The following ZNF469 variants were observed in gnomAD, a reference collection of about 807,000 sequenced individuals.
ZNF469 encodes the protein zinc finger protein 469.
ZNF469 carries 1 observed loss-of-function variant against 1.0 expected under a neutral mutation model. The ratio of observed to expected loss-of-function variants is 1.00; its 90% CI spans 0.35 to 4.73. ZNF469 has a LOEUF of 4.73. Ranked by LOEUF, ZNF469 falls within the 30% of genes most tolerant of loss-of-function variation. The pLI, the probability that ZNF469 is intolerant of heterozygous loss-of-function variation, is 0.16. For missense variants in ZNF469, 6,100 were observed against 5,356.3 expected (o/e 1.14, Z -4.33); for synonymous variants, 2,703 against 2,363.4 (o/e 1.14, Z -4.17).
intron 1 of ZNF469, among the ~76,000 whole-genome samples, chr16:88,410,416 G>A (rs894423628): frequency 8.0e-5 from 12 of 149,432 alleles, no homozygotes; most frequent in African/African-American, 2.2e-4. Context: ...TGCAGGTCAC[G>A]TGGTCATGGA....
At chr16:88,143,376 GTGGGGTGCAGAGCGGGC>G in the ZNF469 span, among the ~76,000 whole-genome samples, 1 of 152,180 alleles carries the variant, frequency 6.6e-6, no homozygotes, top group Non-Finnish European at 1.5e-5. Context: ...GCCTAGCGGG[GTGGGGTGCAGAGCGGGC>G]TGGGGCGCCG....
At chr16:88,132,466 A>T in the ZNF469 span, among the ~76,000 whole-genome samples, 128 of 152,178 alleles carry the variant, frequency 8.4e-4, no homozygotes, top group Admixed American at 1.6e-3. Context: ...CTCCAGCTCC[A>T]TGGGGCTCGA....
chr16:88,247,332 A>ATGAG, the ZNF469 span, among the ~76,000 whole-genome samples: 91,888 of 147,154 alleles, frequency 0.62, 30,217 homozygotes, highest in African/African-American at 0.85. Context: ...TGAATGGTGA[A>ATGAG]TGAGTGAATG....
chr16:88,349,361 CAT>C, the ZNF469 span, among the ~76,000 whole-genome samples: 3 of 151,880 alleles, frequency 2.0e-5, no homozygotes, highest in African/African-American at 7.3e-5. Context: ...CAAGTACACA[CAT>C]ATCACACACA....
chr16:88,213,139 C>T, the ZNF469 span, among the ~76,000 whole-genome samples: 1 of 151,908 alleles, frequency 6.6e-6, no homozygotes, highest in Admixed American at 6.6e-5. Flanking sequence ...CGCTCTGTGG[C>T]CCAGGCTGGA....
chr16:88,396,651 C>CCCGTCTGAAGGGAGGCCGGGA (rs1904677193), intron 1 of ZNF469, among the ~76,000 whole-genome samples: 5 of 53,572 alleles, frequency 9.3e-5, no homozygotes, highest in African/African-American at 3.5e-4. Context: ...GGAGGCCGGG[C>CCCGTCTGAAGGGAGGCCGGGA]GGAGACCCTC....
chr16:88,138,014 T>A, the ZNF469 span, among the ~76,000 whole-genome samples: 105 of 152,214 alleles, frequency 6.9e-4, no homozygotes, highest in African/African-American at 2.4e-3. Flanking sequence ...CTTCACCCCA[T>A]CACGGAGCAT....
At chr16:88,338,214 C>A in the ZNF469 span, among the ~76,000 whole-genome samples, 2 of 152,206 alleles carry the variant, frequency 1.3e-5, no homozygotes, top group African/African-American at 4.8e-5. Flanking sequence ...TGGGGAGAGA[C>A]CCTCTGGCTC....
chr16:88,364,836 G>T, the ZNF469 span, among the ~76,000 whole-genome samples: 1 of 152,056 alleles, frequency 6.6e-6, no homozygotes, highest in Admixed American at 6.5e-5. Flanking sequence ...GTGGTGGCAG[G>T]AGCCTGTAAT....
the ZNF469 span, among the ~76,000 whole-genome samples, chr16:88,239,447 G>A: frequency 4.0e-3 from 608 of 150,262 alleles, 4 homozygotes; most frequent in African/African-American, 0.013. Flanking sequence ...GGAATATGAT[G>A]GGATCAGGAA....
the ZNF469 span, among the ~76,000 whole-genome samples, chr16:88,262,214 G>A: frequency 5.3e-5 from 8 of 152,202 alleles, no homozygotes; most frequent in African/African-American, 1.4e-4. The surrounding 1 kb of genome is among the most constrained non-coding windows in gnomAD (Gnocchi z 4.3). Flanking sequence ...TTTCCATCCC[G>A]GTGGTAGCAG....
chr16:88,429,244 C>G lies in ZNF469; in HGVS notation c.1774C>G (p.Pro592Ala). The G allele has an allele frequency of 6.5e-7, 1 of 1,549,836 alleles. No individual in the cohort carries two copies. Among genetic ancestry groups the G allele is most frequent in the African/African-American group, 1.4e-5 (1 of 73,128 alleles). Reference sequence around the variant, plus strand: ...AGTGGGAGCCTCCCCCAGCGAGTCCCCACTGCCGTCACCGGCCACCAACAC... The same window carrying G: ...AGTGGGAGCCTCCCCCAGCGAGTCCGCACTGCCGTCACCGGCCACCAACAC... The part of the protein sequence containing the change: ...RVVGASPSES[P>A]LPSPATNTAG... Residue 592 changes from proline to alanine, a missense_variant, in exon 3 of 3, where the codon CCA (proline) becomes GCA (alanine). Physicochemically the swap from Pro to Ala is conservative, Grantham distance 27 (BLOSUM62 -1). Coordinates refer to ENST00000565624, the MANE Select transcript of ZNF469 (RefSeq NM_001367624.2).
rs1301607408 is a variant in ZNF469, at chr16:88,430,553, G to T, written c.3083G>T (p.Arg1028Leu). 1.4e-6 allele frequency: 2 copies of T among 1,470,038 alleles called. No homozygotes were observed. Among genetic ancestry groups the T allele is most frequent in the Non-Finnish European group, 1.8e-6 (2 of 1,117,850 alleles). 91.1% of individuals were successfully genotyped at this position (1,470,038 alleles called of 1,614,324 possible). A position where few individuals can be genotyped will look rare whatever the true frequency, so the allele number is the denominator to read the frequency against. The change falls in exon 3 of 3, where the codon CGC becomes CTC. Residue 1028 changes from arginine to leucine, a missense_variant. Transcript: ENST00000565624. ...GAGGAGACCCGCAGCTCCCGGCGCC[G>T]CCGGCTGCCCCCCAGGAAGGACCCC... ...LPEETRSSRR[R>L]RLPPRKDPRK...
chr16:88,436,123 C>T lies in ZNF469; in HGVS notation c.8653C>T (p.Pro2885Ser), dbSNP rs1324192956. 16 of 1,548,294 alleles carry T rather than the reference C, an allele frequency of 1.0e-5. No individual in the cohort carries two copies. Among genetic ancestry groups the T allele is most frequent in the Middle Eastern group, 1.7e-4 (1 of 5,820 alleles). ...PHVYGKRCEKPVLPLPTQPSF... is the reference protein window; with the variant it reads ...PHVYGKRCEKSVLPLPTQPSF... ...TGTCTACGGGAAGCGCTGTGAGAAG[C>T]CGGTGCTCCCGCTGCCAACCCAGCC... is the stretch of plus-strand genomic sequence containing the variant. The change falls in exon 3 of 3, where the codon CCG (proline) becomes TCG (serine). Residue 2885 changes from proline to serine, a missense_variant. Pro to Ser is a moderately conservative substitution (Grantham distance 74). Coordinates refer to ENST00000565624, the MANE Select transcript of ZNF469 (RefSeq NM_001367624.2).
the ZNF469 span, among the ~76,000 whole-genome samples, chr16:88,186,412 AG>A: frequency 2.6e-5 from 4 of 152,180 alleles, no homozygotes; most frequent in Non-Finnish European, 5.9e-5. Context: ...CCAGCAGGCC[AG>A]GCCGACCGGG....
intron 1 of ZNF469, among the ~76,000 whole-genome samples, chr16:88,421,219 C>G (rs980273585): frequency 6.6e-6 from 1 of 152,178 alleles, no homozygotes; most frequent in South Asian, 2.1e-4. Context: ...TTCCCCCACA[C>G]CCCCAGCCAG....
At chr16:88,226,894 C>T in the ZNF469 span, among the ~76,000 whole-genome samples, 20,744 of 138,376 alleles carry the variant, frequency 0.15, 2,590 homozygotes, top group East Asian at 0.24. Context: ...ACAGGCTGCA[C>T]GTTTAAATTC....
chr16:88,127,427 C>G, the ZNF469 span, among the ~76,000 whole-genome samples: 1 of 152,204 alleles, frequency 6.6e-6, no homozygotes, highest in Non-Finnish European at 1.5e-5. Flanking sequence ...TGGCGACTTT[C>G]TATTTGGTCA....
the ZNF469 span, among the ~76,000 whole-genome samples, chr16:88,318,829 G>T: frequency 5.3e-5 from 8 of 152,266 alleles, no homozygotes; most frequent in African/African-American, 1.4e-4. Context: ...GTGCAAGGGG[G>T]AGAAGCCCCA....
Sources: allele counts gnomAD v4.1 joint callset (sites outside exome capture counted in the v4.1 genomes callset), GRCh38; gene constraint gnomAD v4.1.1; non-coding constraint Gnocchi (gnomAD v3.1); transcripts MANE v1.5; gene names NCBI Gene and HGNC (gene_info 2026-07-23, HGNC 2026-07-21).